The following SPATA13 variants were observed in gnomAD, a reference collection of about 807,000 sequenced individuals.
SPATA13 encodes spermatogenesis-associated protein 13.
SPATA13 carries 50 observed loss-of-function variants against 104.0 expected under a neutral mutation model. That is an observed-to-expected ratio of 0.48 (90% CI 0.38 to 0.61). SPATA13 has a LOEUF of 0.61. SPATA13 is among the 20% of genes least tolerant of loss of function. SPATA13 has a pLI of 0.00. For synonymous variants in SPATA13, 606 were observed against 667.5 expected, an observed-to-expected ratio of 0.91 and a Z score of 1.42; for missense variants, 1,524 against 1,690.6, an observed-to-expected ratio of 0.90 and a Z score of 1.73.
At chr13:24,032,208 T>C (rs943783249) in intron 3 of SPATA13, among the ~76,000 whole-genome samples, 3 of 152,104 alleles carry the variant, frequency 2.0e-5, no homozygotes, top group Admixed American at 6.5e-5. Context: ...CGTTCCCTCT[T>C]AGTGATTTTC....
At chr13:24,185,812 AAGAGACAG>A in intron 1 of SPATA13, among the ~76,000 whole-genome samples, 1 of 123,418 alleles carries the variant, frequency 8.1e-6, no homozygotes, top group South Asian at 2.8e-4. Context: ...CACATACATC[AAGAGACAG>A]AGAGAGAGAG....
chr13:24,118,385 C>T (rs552593974), intron 3 of SPATA13, among the ~76,000 whole-genome samples: 1 of 152,316 alleles, frequency 6.6e-6, no homozygotes, highest in African/African-American at 2.4e-5. Flanking sequence ...TTACTAGTTA[C>T]TCCTGGCACG....
intron 1 of SPATA13, among the ~76,000 whole-genome samples, chr13:24,208,576 T>TGGGGGGG (rs3067259): frequency 2.7e-5 from 4 of 150,428 alleles, no homozygotes; most frequent in African/African-American, 7.3e-5. Flanking sequence ...AGAAGACTGG[T>TGGGGGGG]GGGGACTTTC....
At chr13:24,028,531 T>C (rs1296629815) in intron 3 of SPATA13, among the ~76,000 whole-genome samples, 2 of 152,208 alleles carry the variant, frequency 1.3e-5, no homozygotes, top group African/African-American at 4.8e-5. Context: ...TTTGGTTGCT[T>C]TGAAATCTTT....
Position 24,302,859 on chromosome 13 carries a change from C to A in SPATA13, c.*86C>A, listed in dbSNP as rs750971104. The A allele has an allele frequency of 3.2e-6, 5 of 1,572,902 alleles. No individual in the cohort carries two copies. The highest frequency in any genetic ancestry group is 2.7e-5 in the African/African-American group (2 of 74,054). On this transcript the variant is annotated 3_prime_UTR_variant, in exon 13 of 13. Transcript: ENST00000382108. ...GTGTGCTTCAATCCAGGGAAAGTTTCTTGGACCCAGTGATAAAAACTTCCT... is the reference window on the plus strand; with the variant it reads ...GTGTGCTTCAATCCAGGGAAAGTTTATTGGACCCAGTGATAAAAACTTCCT...
chr13:23,995,539 G>A (rs1875639287), intron 2 of SPATA13, among the ~76,000 whole-genome samples: 1 of 152,206 alleles, frequency 6.6e-6, no homozygotes, highest in Non-Finnish European at 1.5e-5. Flanking sequence ...GCTCAAAACA[G>A]ATGAAATCTC....
chr13:23,982,529 A>G (rs113948715), intron 1 of SPATA13, among the ~76,000 whole-genome samples: 25 of 152,294 alleles, frequency 1.6e-4, no homozygotes, highest in African/African-American at 5.8e-4. Context: ...ACTTTTATAG[A>G]TACTATCCTG....
At chr13:24,027,574 C>A (rs1175480484) in intron 3 of SPATA13, among the ~76,000 whole-genome samples, 1 of 151,976 alleles carries the variant, frequency 6.6e-6, no homozygotes, top group Non-Finnish European at 1.5e-5. Flanking sequence ...TATTTCCTTT[C>A]TTCTACATTC....
intron 2 of SPATA13, among the ~76,000 whole-genome samples, chr13:24,010,602 C>T (rs1450019283): frequency 1.3e-5 from 2 of 151,920 alleles, no homozygotes; most frequent in Non-Finnish European, 1.5e-5. Flanking sequence ...GTCCCTTGAT[C>T]CCTCGTGCCT....
intron 3 of SPATA13, among the ~76,000 whole-genome samples, chr13:24,134,597 CAT>C (rs1167618392): frequency 1.3e-5 from 2 of 152,106 alleles, no homozygotes; most frequent in African/African-American, 4.8e-5. Context: ...AGCAGGGGAA[CAT>C]CAGTAGAGAC....
At chr13:24,203,723 G>A (rs1482627049) in intron 1 of SPATA13, among the ~76,000 whole-genome samples, 1 of 152,134 alleles carries the variant, frequency 6.6e-6, no homozygotes, top group African/African-American at 2.4e-5. Flanking sequence ...GGGAGAAAGA[G>A]CTGGAAAGAC....
At chr13:24,282,229 T>G (rs1401482977) in intron 4 of SPATA13, among the ~76,000 whole-genome samples, 2 of 151,996 alleles carry the variant, frequency 1.3e-5, no homozygotes, top group East Asian at 3.9e-4. Flanking sequence ...CCAGTGCAGG[T>G]AAGATGAACT....
chr13:24,284,869 C>T (rs535995752), intron 5 of SPATA13, among the ~76,000 whole-genome samples: 39 of 152,264 alleles, frequency 2.6e-4, no homozygotes, highest in African/African-American at 9.1e-4. Flanking sequence ...AAGAAGCGGA[C>T]ATTATGGTTA....
At chr13:24,110,859 C>T (rs1380512028) in intron 3 of SPATA13, among the ~76,000 whole-genome samples, 3 of 152,292 alleles carry the variant, frequency 2.0e-5, no homozygotes, top group African/African-American at 7.2e-5. Flanking sequence ...TTTTGGACCC[C>T]TGCTAAAGAC....
At chr13:24,072,774 C>T (rs573562255) in intron 3 of SPATA13, among the ~76,000 whole-genome samples, 3 of 150,894 alleles carry the variant, frequency 2.0e-5, no homozygotes, top group South Asian at 4.2e-4. Flanking sequence ...ATCGCTTTTT[C>T]CTGGTTCCTC....
chr13:23,983,301 A>C (rs1441469832), intron 1 of SPATA13, among the ~76,000 whole-genome samples: 1 of 152,168 alleles, frequency 6.6e-6, no homozygotes, highest in Admixed American at 6.5e-5. Flanking sequence ...TCACGTGGTC[A>C]TCCTTCTATA....
At chr13:24,195,986 A>T (rs1373303462) in intron 1 of SPATA13, among the ~76,000 whole-genome samples, 2 of 152,314 alleles carry the variant, frequency 1.3e-5, no homozygotes, top group Non-Finnish European at 2.9e-5. Context: ...AGCATGTTTC[A>T]TATTATCTGG....
rs372778399 is a variant in SPATA13 at position 24,286,437 on chromosome 13, G to C, written c.2481+44G>C. The C allele has an allele frequency of 3.8e-4, 607 of 1,580,450 alleles. 2 individuals are homozygous for C. Among genetic ancestry groups the C allele is most frequent in the Middle Eastern group, 2.3e-4 (1 of 4,314 alleles). ...CAGCTTTTCCAAAGTACCTGGGGGA[G>C]CTGCAGGATCCTTTCAGGTCAGAAC... On this transcript the variant is annotated intron_variant, in intron 6 of 12. Transcript: ENST00000382108. The surrounding 1 kb of genome is among the most constrained non-coding windows in gnomAD (Gnocchi z 4.9).
intron 4 of SPATA13, among the ~76,000 whole-genome samples, chr13:24,283,104 G>A (rs962486991): frequency 2.0e-5 from 3 of 152,170 alleles, no homozygotes; most frequent in South Asian, 4.1e-4. Flanking sequence ...CAAGCCACCT[G>A]TGATTTGCAA....
Sources: gnomAD v4.1 joint callset for allele counts (sites outside exome capture counted in the v4.1 genomes callset) on GRCh38, gnomAD v4.1.1 for gene constraint, Gnocchi (gnomAD v3.1) non-coding constraint, MANE v1.5 for transcripts, NCBI Gene and HGNC (gene_info 2026-07-23, HGNC 2026-07-21) for gene names.